The following CNTNAP5 variants were observed in gnomAD, a reference collection of about 807,000 sequenced individuals.
CNTNAP5 encodes the protein contactin associated protein family member 5.
Under a neutral mutation model 150.2 loss-of-function variants are expected in CNTNAP5, and 72 were observed. The observed-to-expected ratio is 0.48, with a 90% CI of 0.40 to 0.58. The LOEUF is 0.58. Among genes scored for constraint, CNTNAP5 ranks in the 20% least tolerant of loss-of-function variants. CNTNAP5 has a pLI of 0.00. For synonymous variants in CNTNAP5, 672 were observed against 619.8 expected, an observed-to-expected ratio of 1.08 and a Z score of -1.25; for missense variants, 1,636 against 1,626.2, an observed-to-expected ratio of 1.01 and a Z score of -0.10.
intron 7 of CNTNAP5, among the ~76,000 whole-genome samples, chr2:124,494,338 G>A (rs947493556): frequency 8.6e-5 from 13 of 152,028 alleles, no homozygotes; most frequent in African/African-American, 2.4e-4. Context: ...AGGCTGAGGC[G>A]CCTGGAGTTG....
At chr2:124,539,541 T>A (rs542127253) in intron 10 of CNTNAP5, among the ~76,000 whole-genome samples, 4 of 152,214 alleles carry the variant, frequency 2.6e-5, no homozygotes, top group Admixed American at 1.3e-4. Flanking sequence ...ACACAATGAA[T>A]ATGTCACTTC....
chr2:124,115,475 C>T (rs907772555), intron 1 of CNTNAP5, among the ~76,000 whole-genome samples: 2 of 152,026 alleles, frequency 1.3e-5, no homozygotes, highest in African/African-American at 2.4e-5. Context: ...AAGAGTAATA[C>T]GTTTTGAAAA....
Position 124,918,237 on chromosome 2 carries a change from A to G in CNTNAP5, c.*3949A>G, listed in dbSNP as rs1678807174. ...CAGCCATGTGTTTATGACCTATTGC[A>G]TGCCGTTGTTCTTCCAGATGTTCCT... On this transcript the variant is annotated 3_prime_UTR_variant, in exon 24 of 24. Coordinates refer to ENST00000682447, the MANE Select transcript of CNTNAP5 (RefSeq NM_001367498.1). Among the ~76,000 whole-genome samples the G allele has an allele frequency of 6.6e-6, 1 of 151,950 alleles. No individual in the cohort carries two copies. The highest frequency in any genetic ancestry group is 2.4e-5 in the African/African-American group (1 of 41,388).
chr2:124,708,580 G>C (rs1679742778), intron 13 of CNTNAP5, among the ~76,000 whole-genome samples: 1 of 152,200 alleles, frequency 6.6e-6, no homozygotes, highest in African/African-American at 2.4e-5. Flanking sequence ...AGCACAGAGG[G>C]ATGGAAATTA....
chr2:124,057,299 T>TTTTTG (rs1491027744), intron 1 of CNTNAP5, among the ~76,000 whole-genome samples: 1 of 115,710 alleles, frequency 8.6e-6, no homozygotes. Flanking sequence ...TTTTTTTTTT[T>TTTTTG]GAGGTGGAGT....
At chr2:124,137,656 G>A (rs2104611435) in intron 1 of CNTNAP5, among the ~76,000 whole-genome samples, 1 of 152,312 alleles carries the variant, frequency 6.6e-6, no homozygotes, top group African/African-American at 2.4e-5. Context: ...TTACATTCTG[G>A]TGAGGAGTAT....
At chr2:124,868,213 C>A (rs1375826259) in intron 20 of CNTNAP5, among the ~76,000 whole-genome samples, 3 of 152,154 alleles carry the variant, frequency 2.0e-5, no homozygotes, top group Non-Finnish European at 2.9e-5. Context: ...TCCTGGCATT[C>A]TTTTGTCCAA....
intron 7 of CNTNAP5, among the ~76,000 whole-genome samples, chr2:124,494,827 T>C (rs906806001): frequency 6.6e-6 from 1 of 152,224 alleles, no homozygotes; most frequent in Non-Finnish European, 1.5e-5. Flanking sequence ...AATTTCCTAA[T>C]AGCAATTACT....
intron 13 of CNTNAP5, among the ~76,000 whole-genome samples, chr2:124,686,214 T>C (rs1679190613): frequency 6.6e-6 from 1 of 152,080 alleles, no homozygotes; most frequent in Non-Finnish European, 1.5e-5. Flanking sequence ...AGCTGGCAAC[T>C]GGGGAGAGGT....
intron 5 of CNTNAP5, among the ~76,000 whole-genome samples, chr2:124,442,640 A>G (rs1692702603): frequency 6.6e-6 from 1 of 152,148 alleles, no homozygotes; most frequent in Non-Finnish European, 1.5e-5. Context: ...CTATTATACA[A>G]ATCCAGAAGC....
chr2:124,823,313 T>A (rs1438575338), intron 19 of CNTNAP5, among the ~76,000 whole-genome samples: 1 of 152,170 alleles, frequency 6.6e-6, no homozygotes, highest in Non-Finnish European at 1.5e-5. Context: ...TTTAGAGCCA[T>A]TCACTATATA....
At chr2:124,394,315 A>G (rs1443974822) in intron 3 of CNTNAP5, among the ~76,000 whole-genome samples, 1 of 150,616 alleles carries the variant, frequency 6.6e-6, no homozygotes, top group Non-Finnish European at 1.5e-5. Context: ...GAACTTTCAG[A>G]TAGCTGAGAT....
At chr2:124,731,868 G>A (rs190489559) in intron 13 of CNTNAP5, among the ~76,000 whole-genome samples, 147 of 151,510 alleles carry the variant, frequency 9.7e-4, no homozygotes, top group African/African-American at 3.4e-3. Flanking sequence ...GTGAGTGTAT[G>A]TGTGTGTGTG....
intron 1 of CNTNAP5, among the ~76,000 whole-genome samples, chr2:124,219,231 G>C (rs564490335): frequency 6.6e-6 from 1 of 152,036 alleles, no homozygotes; most frequent in East Asian, 1.9e-4. Flanking sequence ...CTTGCTAATT[G>C]TACAATAAAA....
intron 1 of CNTNAP5, among the ~76,000 whole-genome samples, chr2:124,081,871 C>T (rs1028722460): frequency 6.6e-6 from 1 of 152,124 alleles, no homozygotes; most frequent in African/African-American, 2.4e-5. Flanking sequence ...CTTGCACTGT[C>T]CTGTAGTACA....
intron 3 of CNTNAP5, among the ~76,000 whole-genome samples, chr2:124,404,938 G>C (rs1299203427): frequency 1.3e-5 from 2 of 149,832 alleles, no homozygotes; most frequent in Admixed American, 6.7e-5. Context: ...AGAATCATAT[G>C]AATGATATTT....
chr2:124,538,101 C>T (rs372736440), intron 10 of CNTNAP5, among the ~76,000 whole-genome samples: 123 of 152,296 alleles, frequency 8.1e-4, no homozygotes, highest in African/African-American at 2.7e-3. Flanking sequence ...GATTGAGGTA[C>T]GACATGCATG....
chr2:124,902,009 A>G (rs1678422884), intron 21 of CNTNAP5, among the ~76,000 whole-genome samples: 1 of 152,144 alleles, frequency 6.6e-6, no homozygotes, highest in Non-Finnish European at 1.5e-5. Context: ...CAGAAAACAA[A>G]CACATTATCT....
chr2:124,386,484 C>T (rs1690929493), intron 3 of CNTNAP5, among the ~76,000 whole-genome samples: 1 of 152,228 alleles, frequency 6.6e-6, no homozygotes, highest in Non-Finnish European at 1.5e-5. Flanking sequence ...GCAGTCTCTT[C>T]CATAGTTGAA....
Sources: allele counts gnomAD v4.1 joint callset (sites outside exome capture counted in the v4.1 genomes callset), GRCh38; gene constraint gnomAD v4.1.1; transcripts MANE v1.5; gene names NCBI Gene and HGNC (gene_info 2026-07-23, HGNC 2026-07-21).